THSD7B: variants seen among roughly 807,000 people sequenced by gnomAD.
THSD7B encodes the protein thrombospondin type-1 domain-containing protein 7B.
Under a neutral mutation model 213.6 loss-of-function variants are expected in THSD7B, and 138 were observed. The observed-to-expected ratio is 0.65, with a 90% CI of 0.56 to 0.74. THSD7B has a LOEUF of 0.74. Ranked by LOEUF, THSD7B falls within the 30% of genes least tolerant of loss-of-function variation. The pLI is 0.00. For synonymous variants in THSD7B, 742 were observed against 687.0 expected (o/e 1.08, Z -1.25); for missense variants, 1,931 against 1,991.5 (o/e 0.97, Z 0.58).
rs1243370947 is a variant in THSD7B, at chr2:137,056,416, G to A, written c.140-4G>A. 8 of 1,603,234 alleles carry A rather than the reference G, an allele frequency of 5.0e-6. No homozygotes were observed. The highest frequency in any genetic ancestry group is 6.8e-6 in the Non-Finnish European group (8 of 1,173,072). ...AATTAACATCCTTGTTTTTCTGCCTGTAGGTCCGTGGGGAAGGTGTACAGG... is the reference window on the plus strand; with the variant it reads ...AATTAACATCCTTGTTTTTCTGCCTATAGGTCCGTGGGGAAGGTGTACAGG... On this transcript the variant is annotated splice_polypyrimidine_tract_variant and splice_region_variant and intron_variant, in intron 2 of 27. Transcript: ENST00000409968.
At chr2:137,469,575 C>T (rs774993074) in intron 15 of THSD7B, among the ~76,000 whole-genome samples, 3 of 152,152 alleles carry the variant, frequency 2.0e-5, no homozygotes, top group Non-Finnish European at 4.4e-5. Flanking sequence ...TTGCATCCCT[C>T]CTCTCCAGCA....
At chr2:137,001,865 T>C (rs998207859) in intron 2 of THSD7B, among the ~76,000 whole-genome samples, 3 of 152,192 alleles carry the variant, frequency 2.0e-5, no homozygotes, top group African/African-American at 7.2e-5. Flanking sequence ...TGCATTTCAC[T>C]TTCTCTGTTC....
At position 136,999,862 on chromosome 2, in the gene THSD7B, C is replaced by T. The variant is rs79435666; in HGVS notation, c.140-56558C>T. On this transcript the variant is annotated intron_variant, in intron 2 of 27. Transcript: ENST00000409968. ...CAAGGCTCAGTCAAGAGAATCCATCCTGTGCTAACGTGTTCAATTTGGCAC... is the reference window on the plus strand; with the variant it reads ...CAAGGCTCAGTCAAGAGAATCCATCTTGTGCTAACGTGTTCAATTTGGCAC... 9.7e-4 allele frequency among the ~76,000 whole-genome samples: 147 copies of T among 152,246 alleles called. No individual in the cohort carries two copies. The East Asian group carries it at 0.024, about 24-fold the overall frequency.
chr2:137,503,624 G>A (rs1420427712), intron 15 of THSD7B, among the ~76,000 whole-genome samples: 1 of 152,146 alleles, frequency 6.6e-6, no homozygotes, highest in Admixed American at 6.5e-5. Context: ...TTACATTCCA[G>A]ATTACCTACT....
intron 15 of THSD7B, among the ~76,000 whole-genome samples, chr2:137,456,906 C>T (rs773695024): frequency 2.0e-5 from 3 of 152,114 alleles, no homozygotes; most frequent in Non-Finnish European, 4.4e-5. Context: ...GCATAAAATG[C>T]CTTATATAAG....
At chr2:137,293,510 A>G (rs767505943) in intron 12 of THSD7B, among the ~76,000 whole-genome samples, 2 of 148,434 alleles carry the variant, frequency 1.3e-5, no homozygotes, top group African/African-American at 5.1e-5. Flanking sequence ...CTCTCTCTCT[A>G]TCTTTCTATC....
chr2:136,789,193 T>C (rs1449224772), intron 1 of THSD7B, among the ~76,000 whole-genome samples: 3 of 152,082 alleles, frequency 2.0e-5, no homozygotes, highest in African/African-American at 7.2e-5. Context: ...TTTATAGTTT[T>C]TGAAACTGCT....
chr2:137,359,876 A>G (rs964145413), intron 12 of THSD7B, among the ~76,000 whole-genome samples: 1 of 152,202 alleles, frequency 6.6e-6, no homozygotes, highest in Non-Finnish European at 1.5e-5. Context: ...ATACAGGCTC[A>G]CAAGACAGTT....
chr2:136,878,766 T>G (rs1482781798), intron 1 of THSD7B, among the ~76,000 whole-genome samples: 1 of 152,252 alleles, frequency 6.6e-6, no homozygotes, highest in African/African-American at 2.4e-5. Flanking sequence ...TGGGGTTGTT[T>G]GTTTTTTTCT....
chr2:137,547,138 A>G (rs569569365), intron 15 of THSD7B, among the ~76,000 whole-genome samples: 1 of 152,162 alleles, frequency 6.6e-6, no homozygotes, highest in South Asian at 2.1e-4. Flanking sequence ...CAAGATCTCA[A>G]TTTATCACCA....
chr2:137,223,047 T>A (rs1312187745), intron 7 of THSD7B, among the ~76,000 whole-genome samples: 2 of 151,948 alleles, frequency 1.3e-5, no homozygotes, highest in East Asian at 1.9e-4. Flanking sequence ...AGGCACAGAG[T>A]GGGCCTGAGC....
At chr2:136,821,857 T>G (rs1321126845) in intron 1 of THSD7B, among the ~76,000 whole-genome samples, 1 of 152,226 alleles carries the variant, frequency 6.6e-6, no homozygotes, top group Non-Finnish European at 1.5e-5. Context: ...GTGGATCTCC[T>G]TGCTCTGTTG....
Position 137,574,840 on chromosome 2 carries a change from C to A in THSD7B, c.3423+2284C>A, listed in dbSNP as rs537566233. On this transcript the variant is annotated intron_variant, in intron 17 of 27. Coordinates refer to ENST00000409968, the MANE Select transcript of THSD7B (RefSeq NM_001316349.2). The stretch of plus-strand genomic sequence containing the variant: ...ATGAGAATGATTATAGCAAAGGCAG[C>A]AAACTAAATCATTGTGCCTGTAATT... 9.2e-5 allele frequency among the ~76,000 whole-genome samples: 14 copies of A among 152,200 alleles called. No individual in the cohort carries two copies. The South Asian group carries it at 2.9e-3, about 32-fold the overall frequency.
At chr2:137,110,744 C>T (rs1209041884) in intron 4 of THSD7B, among the ~76,000 whole-genome samples, 1 of 152,192 alleles carries the variant, frequency 6.6e-6, no homozygotes, top group Non-Finnish European at 1.5e-5. Context: ...TTTTAACTTG[C>T]AATTACAGCC....
At chr2:137,422,724 T>C (rs1686955372) in intron 14 of THSD7B, among the ~76,000 whole-genome samples, 2 of 152,234 alleles carry the variant, frequency 1.3e-5, no homozygotes, top group African/African-American at 4.8e-5. Flanking sequence ...TCTCTCTGAG[T>C]CAGACCATAC....
At chr2:136,824,654 T>C (rs975790123) in intron 1 of THSD7B, among the ~76,000 whole-genome samples, 1 of 152,196 alleles carries the variant, frequency 6.6e-6, no homozygotes, top group South Asian at 2.1e-4. Context: ...TAAGGGTGGA[T>C]GTGGAAACTT....
intron 15 of THSD7B, among the ~76,000 whole-genome samples, chr2:137,527,415 T>C (rs184280514): frequency 6.6e-6 from 1 of 152,236 alleles, no homozygotes; most frequent in African/African-American, 2.4e-5. Flanking sequence ...TCTGGAAAAG[T>C]ATCACCTAAT....
At chr2:137,170,477 A>C (rs553165349) in intron 6 of THSD7B, among the ~76,000 whole-genome samples, 1 of 152,152 alleles carries the variant, frequency 6.6e-6, no homozygotes, top group Non-Finnish European at 1.5e-5. Flanking sequence ...TACGCTACTT[A>C]TTATTCCATT....
chr2:136,835,247 C>G (rs1682824218), intron 1 of THSD7B, among the ~76,000 whole-genome samples: 1 of 152,066 alleles, frequency 6.6e-6, no homozygotes, highest in Non-Finnish European at 1.5e-5. Context: ...AAAAAGAAGA[C>G]TAAATTTGTT....
Sources: allele counts gnomAD v4.1 joint callset (sites outside exome capture counted in the v4.1 genomes callset), GRCh38; gene constraint gnomAD v4.1.1; transcripts MANE v1.5; gene names NCBI Gene and HGNC (gene_info 2026-07-23, HGNC 2026-07-21).